Variants in APBB2 observed in about 807,000 individuals in gnomAD.
APBB2 encodes Fe65-like 1.
A neutral mutation model predicts 82.5 loss-of-function variants in APBB2; 38 were observed. The ratio of observed to expected loss-of-function variants is 0.46; its 90% CI spans 0.36 to 0.60. The LOEUF (loss-of-function observed/expected upper bound fraction) is 0.60. Ranked by LOEUF, APBB2 falls within the 20% of genes least tolerant of loss-of-function variation. APBB2 has a pLI of 0.00. For synonymous variants in APBB2, 341 were observed against 368.2 expected (o/e 0.93, Z 0.85); for missense variants, 772 against 972.3 (o/e 0.79, Z 2.74).
intron 4 of APBB2, among the ~76,000 whole-genome samples, chr4:41,052,208 A>AATACATAC (rs33920742): frequency 0.015 from 2,196 of 149,776 alleles, 24 homozygotes; most frequent in Non-Finnish European, 0.022. Flanking sequence ...TCTGTACAAA[A>AATACATAC]ATACATACAT....
chr4:40,949,577 C>T lies in APBB2; in HGVS notation c.836-4504G>A, dbSNP rs576832898. The stretch of plus-strand genomic sequence containing the variant: ...CGCCCTCCGATGGTTATCACGGTAT[C>T]ACAGTGGACCAACGAGACGAGAGGG... On this transcript the variant is annotated intron_variant, in intron 6 of 17. Transcript: ENST00000508593. 6.6e-5 allele frequency among the ~76,000 whole-genome samples: 10 copies of T among 152,150 alleles called. No individual in the cohort carries two copies. The East Asian group carries it at 1.2e-3, about 18-fold the overall frequency.
chr4:40,986,082 C>T (rs1553896218), intron 6 of APBB2, among the ~76,000 whole-genome samples: 2 of 152,130 alleles, frequency 1.3e-5, no homozygotes, highest in Non-Finnish European at 2.9e-5. Flanking sequence ...AATACCTGAC[C>T]ACACAAGAAA....
intron 11 of APBB2, among the ~76,000 whole-genome samples, chr4:40,891,951 CTTTTT>C (rs565676579): frequency 1.5e-5 from 2 of 132,100 alleles, no homozygotes; most frequent in Middle Eastern, 3.7e-3. Context: ...GGGTTTTGTT[CTTTTT>C]TTTTTTTTTT....
chr4:41,140,636 A>G (rs1239807649), intron 2 of APBB2, among the ~76,000 whole-genome samples: 1 of 152,200 alleles, frequency 6.6e-6, no homozygotes, highest in African/African-American at 2.4e-5. Context: ...ACCAGGCTGC[A>G]TAGCAGGAGG....
intron 1 of APBB2, among the ~76,000 whole-genome samples, chr4:41,160,524 C>T (rs962646643): frequency 1.3e-4 from 20 of 152,276 alleles, no homozygotes; most frequent in Admixed American, 1.1e-3. Context: ...GTTCAAGATA[C>T]GGCTCCACCA....
At chr4:41,048,118 A>G (rs768867893) in intron 4 of APBB2, among the ~76,000 whole-genome samples, 21 of 152,248 alleles carry the variant, frequency 1.4e-4, no homozygotes, top group Non-Finnish European at 2.5e-4. Context: ...CCTAGAAGAC[A>G]TTTGGCAGTT....
chr4:40,916,713 A>C (rs1260818889), intron 10 of APBB2, among the ~76,000 whole-genome samples: 1 of 152,212 alleles, frequency 6.6e-6, no homozygotes, highest in Non-Finnish European at 1.5e-5. Flanking sequence ...CTATTCTGAG[A>C]GCGAGCATGA....
chr4:40,966,522 C>T (rs1794701643), intron 6 of APBB2, among the ~76,000 whole-genome samples: 1 of 151,396 alleles, frequency 6.6e-6, no homozygotes, highest in South Asian at 2.1e-4. Context: ...ACCCAGGCAT[C>T]TCTGTACTCT....
intron 12 of APBB2, among the ~76,000 whole-genome samples, chr4:40,886,699 T>C (rs995938129): frequency 6.6e-6 from 1 of 151,850 alleles, no homozygotes. Flanking sequence ...AAAGGGAGCA[T>C]TCGGTCATTG....
chr4:40,927,644 G>A (rs1782963625), intron 10 of APBB2, among the ~76,000 whole-genome samples: 2 of 152,022 alleles, frequency 1.3e-5, no homozygotes, highest in Non-Finnish European at 2.9e-5. Flanking sequence ...ACCACGTTAG[G>A]CTAATATTTG....
chr4:40,929,535 G>A (rs1378701148), intron 10 of APBB2, among the ~76,000 whole-genome samples: 15 of 152,128 alleles, frequency 9.9e-5, no homozygotes, highest in African/African-American at 3.4e-4. Context: ...TCCTGACCTC[G>A]TGATCCACCC....
chr4:41,183,181 T>C (rs1458720803), intron 1 of APBB2, among the ~76,000 whole-genome samples: 1 of 152,158 alleles, frequency 6.6e-6, no homozygotes, highest in Non-Finnish European at 1.5e-5. Context: ...CTGGAACCTG[T>C]CCACACCACC....
chr4:40,859,612 G>A (rs951888959), intron 12 of APBB2, among the ~76,000 whole-genome samples: 8 of 152,164 alleles, frequency 5.3e-5, no homozygotes, highest in African/African-American at 1.9e-4. Flanking sequence ...ACAAATGCGA[G>A]TCCCTTCAAA....
chr4:40,885,312 T>A (rs940780404), intron 12 of APBB2, among the ~76,000 whole-genome samples: 3 of 152,216 alleles, frequency 2.0e-5, no homozygotes, highest in Non-Finnish European at 4.4e-5. Context: ...GAAAGTTTTC[T>A]TATTGGGAAA....
intron 12 of APBB2, among the ~76,000 whole-genome samples, chr4:40,846,970 C>A (rs1370259269): frequency 1.3e-5 from 2 of 151,936 alleles, no homozygotes; most frequent in East Asian, 3.9e-4. Context: ...ATGCAAAAAT[C>A]TTGCATCTCT....
At chr4:41,085,610 G>C (rs908147512) in intron 3 of APBB2, among the ~76,000 whole-genome samples, 3 of 152,060 alleles carry the variant, frequency 2.0e-5, no homozygotes, top group Non-Finnish European at 2.9e-5. Context: ...ATCCACAAGA[G>C]AGTAACCACA....
intron 5 of APBB2, among the ~76,000 whole-genome samples, chr4:41,019,937 A>T (rs533951035): frequency 6.6e-6 from 1 of 152,120 alleles, no homozygotes; most frequent in Non-Finnish European, 1.5e-5. Context: ...AGAGAGGAAG[A>T]GACAGACAAG....
intron 2 of APBB2, among the ~76,000 whole-genome samples, chr4:41,104,852 T>A (rs990914823): frequency 2.0e-5 from 3 of 152,212 alleles, no homozygotes; most frequent in Non-Finnish European, 4.4e-5. Context: ...TACGGCTGCA[T>A]AGTATTCTAG....
intron 6 of APBB2, among the ~76,000 whole-genome samples, chr4:41,008,027 C>T (rs1472344208): frequency 1.3e-5 from 2 of 152,216 alleles, no homozygotes; most frequent in Non-Finnish European, 2.9e-5. Context: ...GGCATTTGAT[C>T]TAAACCTCAG....
Sources: gnomAD v4.1 joint callset for allele counts (sites outside exome capture counted in the v4.1 genomes callset) on GRCh38, gnomAD v4.1.1 for gene constraint, MANE v1.5 for transcripts, NCBI Gene and HGNC (gene_info 2026-07-23, HGNC 2026-07-21) for gene names.